Variants in ATAD2 observed in about 807,000 individuals in gnomAD.
ATAD2 encodes the protein ATPase family AAA domain containing 2, also known as ATPase family AAA domain-containing protein 2.
A neutral mutation model predicts 168.9 loss-of-function variants in ATAD2; 62 were observed. The ratio of observed to expected loss-of-function variants is 0.37; its 90% confidence interval spans 0.30 to 0.45. ATAD2 has a LOEUF of 0.45. Among genes scored for constraint, ATAD2 ranks in the 20% least tolerant of loss-of-function variants. The probability of loss-of-function intolerance (pLI) is 1.00; values close to 1 mark genes in which losing one functional copy is unlikely to be tolerated. For missense variants in ATAD2, 1,419 were observed against 1,667.8 expected, an observed-to-expected ratio of 0.85 and a Z score of 2.60; for synonymous variants, 613 against 571.6, an observed-to-expected ratio of 1.07 and a Z score of -1.03.
chr8:123,346,536 CT>C, intron 17 of ATAD2, 81 bp downstream of exon 17: 17 of 1,311,042 alleles, frequency 1.3e-5, no homozygotes, highest in Non-Finnish European at 1.7e-5. Flanking sequence ...TTGGTTAGCA[CT>C]TTTTATTTTT....
upstream of ATAD2, among the ~76,000 whole-genome samples, chr8:123,399,932 G>T (rs983257587): frequency 7.2e-5 from 11 of 152,138 alleles, 1 homozygote; most frequent in South Asian, 8.3e-4. Context: ...GGGAGGGCGA[G>T]GCAGGCAGAT....
At position 123,336,437 on chromosome 8, in the gene ATAD2, A is replaced by C; in HGVS notation, c.3147T>G (p.Tyr1049Ter). ...DLHKYLTVKD[Y>*]LRDIDLICSN... ...TACAGATTAGATCAATATCTCTCAA[A>C]TAGTCTTTCACAGTCAGATACTTGT... Residue 1049 changes from tyrosine to a stop codon, truncating the protein, a stop_gained, in exon 22 of 28, where the codon TAT becomes TAG. Coordinates refer to ENST00000287394, the MANE Select transcript of ATAD2 (RefSeq NM_014109.4). LOFTEE classifies it high-confidence loss of function. 1 of 1,582,618 alleles carries C rather than the reference A, an allele frequency of 6.3e-7. No individual in the cohort carries two copies. The highest frequency in any genetic ancestry group is 2.3e-5 in the East Asian group (1 of 43,334).
chr8:123,351,832 C>T (rs1185797630), intron 13 of ATAD2, among the ~76,000 whole-genome samples: 1 of 151,356 alleles, frequency 6.6e-6, no homozygotes, highest in African/African-American at 2.4e-5. Flanking sequence ...ACTGCAAGCT[C>T]CGCCTCCCGG....
intron 19 of ATAD2, among the ~76,000 whole-genome samples, chr8:123,342,907 G>A (rs1828103506): frequency 6.6e-6 from 1 of 152,086 alleles, no homozygotes; most frequent in Non-Finnish European, 1.5e-5. Context: ...TCCTCTGCTA[G>A]GACCTTTTGT....
chr8:123,412,456 AG>A (rs1813173645), intron 1 of ATAD2, among the ~76,000 whole-genome samples: 1 of 152,146 alleles, frequency 6.6e-6, no homozygotes, highest in Non-Finnish European at 1.5e-5. Flanking sequence ...TTAAGAGATG[AG>A]GGTCTCACTC....
upstream of ATAD2, chr8:123,401,290 TC>T: frequency 8.5e-7 from 1 of 1,170,822 alleles, no homozygotes; most frequent in East Asian, 2.3e-5. Context: ...CTCCAAGGAT[TC>T]CCATGAGCAG....
intron 8 of ATAD2, among the ~76,000 whole-genome samples, chr8:123,364,008 A>G (rs953889697): frequency 5.9e-5 from 9 of 152,226 alleles, no homozygotes; most frequent in African/African-American, 1.4e-4. Flanking sequence ...TTAAAAGCAA[A>G]CAATAACACA....
intron 1 of ATAD2, among the ~76,000 whole-genome samples, chr8:123,385,386 C>T (rs1342310452): frequency 6.6e-6 from 1 of 151,814 alleles, no homozygotes; most frequent in Admixed American, 6.6e-5. Context: ...CAAAACATAT[C>T]AACTGGTTTT....
rs894884691 is a variant in ATAD2, at chr8:123,392,998, C to A, written c.171+3189G>T. Among the ~76,000 whole-genome samples, 8 of 152,088 alleles carry A rather than the reference C, an allele frequency of 5.3e-5. No homozygotes were observed. In the East Asian group the frequency reaches 1.5e-3, roughly 29 times the overall value. On this transcript the variant is annotated intron_variant, in intron 1 of 27. Transcript: ENST00000287394. The stretch of plus-strand genomic sequence containing the variant: ...AGGAGATCGAGACCACCCTGGCCAA[C>A]ACGGTGAAACCTTGTCTCTACTGAA...
At chr8:123,386,020 C>CAAAAAAAAAAAAAAAAAAGAAAAAAAAA (rs58687997) in intron 1 of ATAD2, among the ~76,000 whole-genome samples, 1 of 81,110 alleles carries the variant, frequency 1.2e-5, no homozygotes, top group Non-Finnish European at 2.7e-5. Flanking sequence ...TGGCTACTCA[C>CAAAAAAAAAAAAAAAAAAGAAAAAAAAA]AAAAAAAAAA....
At chr8:123,360,061 T>C (rs1828767224) in intron 9 of ATAD2, among the ~76,000 whole-genome samples, 1 of 152,206 alleles carries the variant, frequency 6.6e-6, no homozygotes, top group Non-Finnish European at 1.5e-5. Context: ...GTGCTTTACG[T>C]GGATTAAGTT....
At position 123,328,412 on chromosome 8, in the gene ATAD2, C is replaced by T. The variant is rs761962234; in HGVS notation, c.3646G>A (p.Gly1216Arg). ...QDTSVDHNET[G>R]NTGESSVEEN... ...TCCACCGAAGACTCTCCTGTGTTTC[C>T]GGTCTCATTATGATCTACACTTGTG... Residue 1216 changes from glycine to arginine, a missense_variant, in exon 25 of 28, where the codon GGA (glycine) becomes AGA (arginine). By Grantham distance (125) the Gly-to-Arg change is moderately radical. Around this residue, in one of 5 missense-constraint regions of ATAD2, gnomAD observed 303 missense variants for 304.3 expected, o/e 1.00. Transcript: ENST00000287394. 10 of 1,572,394 alleles carry T rather than the reference C, an allele frequency of 6.4e-6. No individual in the cohort carries two copies. In the African/African-American group the frequency reaches 8.4e-5, roughly 13 times the overall value.
rs372897713 is a variant in ATAD2 at position 123,369,848 on chromosome 8, T to C, written c.904A>G (p.Thr302Ala). The C allele has an allele frequency of 4.8e-5, 77 of 1,611,906 alleles. No individual in the cohort carries two copies. The highest frequency in any genetic ancestry group is 6.1e-5 in the Non-Finnish European group (72 of 1,179,348). The change falls in exon 7 of 28, where the codon ACT (threonine) becomes GCT (alanine). Residue 302 changes from threonine to alanine, a missense_variant. Transcript: ENST00000287394. Reference sequence around the variant, plus strand: ...TCCAATGGAGCCTGATAGTAAACAGTAGCTTTTCTCTGTCTAAGATAATAT... The same window carrying C: ...TCCAATGGAGCCTGATAGTAAACAGCAGCTTTTCTCTGTCTAAGATAATAT... ...KRYYLRQRKA[T>A]VYYQAPLEKP...
chr8:123,403,369 G>C (rs1369535102), intron 1 of ATAD2, among the ~76,000 whole-genome samples: 2 of 151,830 alleles, frequency 1.3e-5, no homozygotes, highest in East Asian at 3.9e-4. Context: ...CAAAGTGGTG[G>C]GATTACAGGC....
chr8:123,356,323 C>T (rs1345013896), intron 13 of ATAD2, 66 bp downstream of exon 13: 1 of 1,320,928 alleles, frequency 7.6e-7, no homozygotes, highest in Non-Finnish European at 1.1e-6. Context: ...AACATTCTAT[C>T]TCTCACACAT....
Position 123,337,729 on chromosome 8 carries a change from C to T in ATAD2, c.2947G>A (p.Glu983Lys). ...EEVKRLEEQEEDTFRELRIFL... is the reference protein window; with the variant it reads ...EEVKRLEEQEKDTFRELRIFL... ...ATCCTCAGTTCTCTAAATGTATCTT[C>T]TTCTTGTTCTTCTAGTCGTTTCACT... The change falls in exon 21 of 28, where the codon GAA becomes AAA. Residue 983 changes from glutamate to lysine, a missense_variant. By Grantham distance (56) the Glu-to-Lys change is moderately conservative. This residue lies in a region of ATAD2 where 545 missense variants were observed against 724.9 expected (regional missense o/e 0.75). Transcript: ENST00000287394. The T allele has an allele frequency of 6.2e-7, 1 of 1,613,818 alleles. No homozygotes were observed. Among genetic ancestry groups the T allele is most frequent in the Non-Finnish European group, 8.5e-7 (1 of 1,179,896 alleles).
chr8:123,369,222 T>C (rs1829067107), intron 7 of ATAD2, 47 bp from the exon 8 acceptor site: 3 of 705,916 alleles, frequency 4.2e-6, no homozygotes, highest in Non-Finnish European at 3.8e-6. Context: ...TATATATATA[T>C]GGCATACAAA....
intron 1 of ATAD2, among the ~76,000 whole-genome samples, chr8:123,381,680 A>G (rs754061041): frequency 2.6e-5 from 4 of 152,128 alleles, no homozygotes; most frequent in Non-Finnish European, 5.9e-5. Flanking sequence ...CACCGCTCTG[A>G]GATCATATAG....
chr8:123,394,089 C>G (rs746736623), intron 1 of ATAD2, among the ~76,000 whole-genome samples: 3 of 150,530 alleles, frequency 2.0e-5, no homozygotes, highest in Non-Finnish European at 4.4e-5. Context: ...GTTTTTTTTC[C>G]TGAGGAACTG....
Sources: gnomAD v4.1 joint callset for allele counts (sites outside exome capture counted in the v4.1 genomes callset) on GRCh38, gnomAD v4.1.1 for gene constraint, gnomAD v4.1.1 regional missense constraint, MANE v1.5 for transcripts, NCBI Gene and HGNC (gene_info 2026-07-23, HGNC 2026-07-21) for gene names.